The following PLIN3 variants were observed in gnomAD, a reference collection of about 807,000 sequenced individuals.
The protein encoded by PLIN3 is perilipin-3.
PLIN3 carries 30 observed loss-of-function variants against 35.9 expected under a neutral mutation model. The observed-to-expected ratio is 0.84, with a 90% CI of 0.62 to 1.13. The LOEUF (loss-of-function observed/expected upper bound fraction) is 1.13, where lower values mean the gene tolerates loss of function less well. Among genes scored for constraint, PLIN3 ranks in the 50% most tolerant of loss-of-function variants. The pLI is 0.00. For missense variants in PLIN3, 603 were observed against 596.9 expected, an observed-to-expected ratio of 1.01 and a Z score of -0.11; for synonymous variants, 261 against 262.5, an observed-to-expected ratio of 0.99 and a Z score of 0.06.
At chr19:4,847,116 C>T (rs2030124477) in intron 6 of PLIN3, among the ~76,000 whole-genome samples, 1 of 151,762 alleles carries the variant, frequency 6.6e-6, no homozygotes, top group Admixed American at 6.6e-5. Flanking sequence ...TCTTGAACTC[C>T]TGACCTCGTG....
In PLIN3 at chr19:4,861,369, T is replaced by A; in HGVS notation, c.26A>T (p.Asp9Val). MSADGAEA[D>V]GSTQVTVEEP... ...TTCCACTGTCACCTGGGTGCTGCCA[T>A]CAGCCTCTGCCCCGTCGGCAGACAT... The change falls in exon 2 of 8, where the codon GAT (aspartate) becomes GTT (valine). Residue 9 changes from aspartate (D) to valine (V), a missense_variant. Asp to Val is a radical substitution (Grantham distance 152). Coordinates refer to ENST00000221957, the MANE Select transcript of PLIN3 (RefSeq NM_005817.5). The A allele has an allele frequency of 6.2e-7, 1 of 1,612,574 alleles. No homozygotes were observed. The highest frequency in any genetic ancestry group is 8.5e-7 in the Non-Finnish European group (1 of 1,179,524).
chr19:4,844,943 G>A (rs1390018962), intron 6 of PLIN3, 150 bp from the exon 7 acceptor site: 5 of 883,306 alleles, frequency 5.7e-6, no homozygotes, highest in Non-Finnish European at 8.4e-6. Context: ...TCCTGGCTAC[G>A]GTGAGCTCTG....
intron 1 of PLIN3, among the ~76,000 whole-genome samples, chr19:4,864,909 G>C (rs2030799607): frequency 6.6e-6 from 1 of 152,104 alleles, no homozygotes; most frequent in Non-Finnish European, 1.5e-5. Flanking sequence ...TGAGGCTAAA[G>C]GGTCGGGCAT....
At chr19:4,862,677 A>G (rs2030714859) in intron 1 of PLIN3, among the ~76,000 whole-genome samples, 1 of 152,196 alleles carries the variant, frequency 6.6e-6, no homozygotes, top group African/African-American at 2.4e-5. Context: ...GGTATGACCT[A>G]AAACCTCTGT....
intron 4 of PLIN3, among the ~76,000 whole-genome samples, chr19:4,857,882 G>A (rs991118279): frequency 7.2e-5 from 11 of 151,952 alleles, no homozygotes; most frequent in Middle Eastern, 3.4e-3. Context: ...AGGCTGAGGC[G>A]GGAGAATCGC....
intron 4 of PLIN3, 144 bp from the exon 5 acceptor site, chr19:4,852,445 G>C (rs1003909536): frequency 4.0e-6 from 4 of 1,000,650 alleles, no homozygotes; most frequent in Non-Finnish European, 5.8e-6. Flanking sequence ...TCTGTATGTG[G>C]GCACCCCTCC....
At chr19:4,857,544 G>A (rs2030513984) in intron 4 of PLIN3, among the ~76,000 whole-genome samples, 1 of 152,042 alleles carries the variant, frequency 6.6e-6, no homozygotes, top group Admixed American at 6.6e-5. Flanking sequence ...ACCCCACCCT[G>A]GGTGACAGAG....
chr19:4,845,821 G>A (rs2030073085), intron 6 of PLIN3, among the ~76,000 whole-genome samples: 1 of 151,032 alleles, frequency 6.6e-6, no homozygotes. Flanking sequence ...CTACTCGGGA[G>A]GCTGAGGCAA....
At chr19:4,845,529 G>A (rs184504338) in intron 6 of PLIN3, among the ~76,000 whole-genome samples, 53 of 152,270 alleles carry the variant, frequency 3.5e-4, no homozygotes, top group African/African-American at 1.2e-3. Flanking sequence ...CAGCGCTTTG[G>A]GAGGCCAAGG....
chr19:4,854,977 C>T (rs149387858), intron 4 of PLIN3, among the ~76,000 whole-genome samples: 12 of 151,994 alleles, frequency 7.9e-5, no homozygotes, highest in East Asian at 3.9e-4. Flanking sequence ...TGGCCGGGCA[C>T]GGTGACTCAC....
chr19:4,857,312 C>T (rs1355675016), intron 4 of PLIN3, among the ~76,000 whole-genome samples: 1 of 151,706 alleles, frequency 6.6e-6, no homozygotes, highest in Non-Finnish European at 1.5e-5. Context: ...GTGGATGCAC[C>T]TAGTCCCAGC....
At chr19:4,853,670 G>A (rs529083770) in intron 4 of PLIN3, among the ~76,000 whole-genome samples, 3 of 151,830 alleles carry the variant, frequency 2.0e-5, no homozygotes, top group Admixed American at 6.6e-5. Flanking sequence ...AAAATTAGCC[G>A]GGTGCAGTGG....
chr19:4,857,242 G>A (rs945602634), intron 4 of PLIN3, among the ~76,000 whole-genome samples: 3 of 151,710 alleles, frequency 2.0e-5, no homozygotes, highest in African/African-American at 7.3e-5. Context: ...GTTGGAGACC[G>A]GCCTGGGCAA....
chr19:4,845,922 T>C (rs2030078294), intron 6 of PLIN3, among the ~76,000 whole-genome samples: 1 of 115,672 alleles, frequency 8.6e-6, no homozygotes, highest in Non-Finnish European at 1.7e-5. Flanking sequence ...CGAGACTCCG[T>C]CTCAAAAAAA....
At chr19:4,844,827 G>T in intron 6 of PLIN3, 34 bp from the exon 7 acceptor site, 3 of 1,562,950 alleles carry the variant, frequency 1.9e-6, no homozygotes, top group Non-Finnish European at 1.7e-6. Flanking sequence ...AGGGAAGGAG[G>T]CTCCCCTGGG....
chr19:4,839,044 G>A lies in PLIN3; in HGVS notation c.*148C>T, dbSNP rs377239213. 25 of 609,740 alleles carry A rather than the reference G, an allele frequency of 4.1e-5. No individual in the cohort carries two copies. Among genetic ancestry groups the A allele is most frequent in the South Asian group, 1.6e-4 (6 of 37,856 alleles). The allele number at this position is 609,740 out of a possible 1,614,324, so 37.8% of individuals were successfully genotyped here. A position where few individuals can be genotyped will look rare whatever the true frequency, so the allele number is the denominator to read the frequency against. The stretch of plus-strand genomic sequence containing the variant: ...GAGATGGGTCAACTGGGTGATGCCC[G>A]TTTTGAGAGCCTTAGCTTCCCAAGT... On this transcript the variant is annotated 3_prime_UTR_variant, in exon 8 of 8. Transcript: ENST00000221957.
intron 7 of PLIN3, among the ~76,000 whole-genome samples, chr19:4,842,510 G>C (rs932449271): frequency 2.5e-4 from 36 of 143,704 alleles, no homozygotes; most frequent in African/African-American, 8.6e-4. Context: ...TGAGGCAGGA[G>C]AATCGCTTGA....
rs1414493912 is a variant in PLIN3, at chr19:4,847,735, T to C, written c.790A>G (p.Arg264Gly). ...SLGKLRATKQ[R>G]AQEALLQLSQ... ...AGCTGCAGCAGAGCCTCCTGTGCCCTCTGCTTGGTGGCTCGAAGCTTGCCC... is the reference window on the plus strand; with the variant it reads ...AGCTGCAGCAGAGCCTCCTGTGCCCCCTGCTTGGTGGCTCGAAGCTTGCCC... Residue 264 changes from arginine (R) to glycine (G), a missense_variant, in exon 6 of 8, where the codon AGG (arginine) becomes GGG (glycine). Transcript: ENST00000221957. 2 of 1,611,404 alleles carry C rather than the reference T, an allele frequency of 1.2e-6. No individual in the cohort carries two copies. The highest frequency in any genetic ancestry group is 1.1e-5 in the South Asian group (1 of 90,528).
In PLIN3 at chr19:4,847,910, G is replaced by T. The variant is rs146558423; in HGVS notation, c.635-20C>A. 4,092 of 1,597,860 alleles carry T rather than the reference G, an allele frequency of 2.6e-3. 92 individuals carry two copies. In the Admixed American group the frequency reaches 0.047, roughly 18 times the overall value. On this transcript the variant is annotated intron_variant, in intron 5 of 7. Transcript: ENST00000221957. Reference sequence around the variant, plus strand: ...TGCGGGCTGCAAGGAAAAGGAGAAGGGTCTCTGTGAAGACCAGAACACACA... The same window carrying T: ...TGCGGGCTGCAAGGAAAAGGAGAAGTGTCTCTGTGAAGACCAGAACACACA...
Sources: allele counts gnomAD v4.1 joint callset (sites outside exome capture counted in the v4.1 genomes callset), GRCh38; gene constraint gnomAD v4.1.1; transcripts MANE v1.5; gene names NCBI Gene and HGNC (gene_info 2026-07-23, HGNC 2026-07-21).